The following CERS1 variants were observed in gnomAD, a reference collection of about 807,000 sequenced individuals.
CERS1 encodes the protein ceramide synthase 1.
CERS1 carries 16 observed loss-of-function variants against 35.7 expected under a neutral mutation model. The ratio of observed to expected loss-of-function variants is 0.45; its 90% CI spans 0.30 to 0.68. The LOEUF (loss-of-function observed/expected upper bound fraction) is 0.68. Among genes scored for constraint, CERS1 ranks in the 30% least tolerant of loss-of-function variants. The pLI, the probability that CERS1 is intolerant of heterozygous loss-of-function variation, is 0.08. For missense variants in CERS1, 454 were observed against 453.9 expected, an observed-to-expected ratio of 1.00 and a Z score of 0.00; for synonymous variants, 243 against 201.6, an observed-to-expected ratio of 1.21 and a Z score of -1.74.
chr19:18,895,775 G>T lies in CERS1; in HGVS notation c.249+49C>A. 9.3e-7 allele frequency: 1 copy of T among 1,074,368 alleles called. No homozygotes were observed. Among genetic ancestry groups the T allele is most frequent in the Non-Finnish European group, 1.2e-6 (1 of 857,036 alleles). The allele number at this position is 1,074,368 out of a possible 1,614,324, so 66.6% of individuals were successfully genotyped here. Reference sequence around the variant, plus strand: ...CGGCGGCCCCAGGTCCCCGGTCCCGGCTTCCCCCAGTCCGGGGTCCCCTCG... The same window carrying T: ...CGGCGGCCCCAGGTCCCCGGTCCCGTCTTCCCCCAGTCCGGGGTCCCCTCG... On this transcript the variant is annotated intron_variant, in intron 1 of 7. Transcript: ENST00000623882. The surrounding 1 kb of genome is among the most constrained non-coding windows in gnomAD (Gnocchi z 6.4).
At position 18,870,566 on chromosome 19, in the gene CERS1, G is replaced by A; in HGVS notation, c.*11C>T. 1.7e-6 allele frequency: 1 copy of A among 582,914 alleles called. No individual in the cohort carries two copies. The highest frequency in any genetic ancestry group is 3.1e-6 in the Non-Finnish European group (1 of 321,964). 36.1% of individuals were successfully genotyped at this position (582,914 alleles called of 1,614,324 possible). The stretch of plus-strand genomic sequence containing the variant: ...GGTGGGGCCGGGTCCACGGGGGCGG[G>A]GCCGAGGGGTTCAGAAGCGCTTGTC... On this transcript the variant is annotated 3_prime_UTR_variant, in exon 7 of 8. Coordinates refer to ENST00000623882, the MANE Select transcript of CERS1 (RefSeq NM_021267.5). This position sits in a 1 kb window ranked among gnomAD's most constrained non-coding sequence, Gnocchi z 5.1.
chr19:18,868,777 C>T lies in CERS1; in HGVS notation c.*1208G>A. On this transcript the variant is annotated 3_prime_UTR_variant, in exon 8 of 8. Transcript: ENST00000623882. ...CGCGCAGCACAGCGTGGTTGAGCGC[C>T]GGCGGCCCCCCGGACCCCGACAGCG... The T allele has an allele frequency of 6.8e-7, 1 of 1,468,258 alleles. No homozygotes were observed. The highest frequency in any genetic ancestry group is 1.2e-5 in the South Asian group (1 of 80,188). The allele number at this position is 1,468,258 out of a possible 1,614,324, so 91.0% of individuals were successfully genotyped here. A position where few individuals can be genotyped will look rare whatever the true frequency, so the allele number is the denominator to read the frequency against.
At chr19:18,876,526 T>TTTGA (rs925585273) in intron 6 of CERS1, among the ~76,000 whole-genome samples, 1 of 123,978 alleles carries the variant, frequency 8.1e-6, no homozygotes. Flanking sequence ...TTTGTTTTGT[T>TTTGA]TTGATTGGGT....
chr19:18,869,266 AC>A lies in CERS1; in HGVS notation c.*718del. ...GGGCTGCCGCCGCCGCCGCCGCGAA[AC>A]GCAGCTCCAGGCGGGCCCGGCTCGG... On this transcript the variant is annotated 3_prime_UTR_variant, in exon 8 of 8. Coordinates refer to ENST00000623882, the MANE Select transcript of CERS1 (RefSeq NM_021267.5). 1 of 1,472,042 alleles carries A rather than the reference AC, an allele frequency of 6.8e-7. No homozygotes were observed. Among genetic ancestry groups the A allele is most frequent in the Non-Finnish European group, 8.9e-7 (1 of 1,122,012 alleles). The allele number at this position is 1,472,042 out of a possible 1,614,324, so 91.2% of individuals were successfully genotyped here.
chr19:18,880,957 C>T (rs1475289237), intron 3 of CERS1, among the ~76,000 whole-genome samples: 1 of 152,176 alleles, frequency 6.6e-6, no homozygotes, highest in African/African-American at 2.4e-5. Context: ...CCTTGGCCTC[C>T]CAAAGTGCTG....
chr19:18,879,122 G>A, intron 5 of CERS1, 83 bp from the exon 6 acceptor site: 1 of 1,586,246 alleles, frequency 6.3e-7, no homozygotes. Context: ...CCTGTCCCGG[G>A]CCCTCCACAC....
At chr19:18,877,610 A>G (rs2056082242) in intron 6 of CERS1, among the ~76,000 whole-genome samples, 1 of 152,008 alleles carries the variant, frequency 6.6e-6, no homozygotes, top group African/African-American at 2.4e-5. Flanking sequence ...AAGTTAGCAC[A>G]GCATGGTGGT....
In CERS1 at chr19:18,895,116, C is replaced by T. The variant is rs879800263; in HGVS notation, c.249+708G>A. Reference sequence around the variant, plus strand: ...GCAGCACAGTCCAACCCTGAAGCCCCGGGCCATGTCACCTCCAAGGGAGCG... The same window carrying T: ...GCAGCACAGTCCAACCCTGAAGCCCTGGGCCATGTCACCTCCAAGGGAGCG... On this transcript the variant is annotated intron_variant, in intron 1 of 7. Coordinates refer to ENST00000623882, the MANE Select transcript of CERS1 (RefSeq NM_021267.5). The surrounding 1 kb of genome is among the most constrained non-coding windows in gnomAD (Gnocchi z 6.4). Among the ~76,000 whole-genome samples, 4 of 152,240 alleles carry T rather than the reference C, an allele frequency of 2.6e-5. No homozygotes were observed. Among genetic ancestry groups the T allele is most frequent in the Non-Finnish European group, 4.4e-5 (3 of 68,034 alleles).
At chr19:18,876,536 T>TTGTGTG (rs60266196) in intron 6 of CERS1, among the ~76,000 whole-genome samples, 5,383 of 143,210 alleles carry the variant, frequency 0.038, 226 homozygotes, top group African/African-American at 0.095. Flanking sequence ...TTTGATTGGG[T>TTGTGTG]TGTGTGTGTG....
intron 2 of CERS1, among the ~76,000 whole-genome samples, chr19:18,885,785 C>T (rs1203380295): frequency 1.3e-5 from 2 of 152,022 alleles, no homozygotes; most frequent in African/African-American, 2.4e-5. Context: ...TCCCAAAGTG[C>T]TGGGATTACG....
Position 18,895,822 on chromosome 19 carries a change from A to G in CERS1, c.249+2T>C. ...CTCGTCCCGGCCCCCGGCCACACTG[A>G]CCCGAAAGAGGCGCGCAGTGGCCGC... On this transcript the variant is annotated splice_donor_variant, in intron 1 of 7. Coordinates refer to ENST00000623882, the MANE Select transcript of CERS1 (RefSeq NM_021267.5). LOFTEE classifies it high-confidence loss of function. This position sits in a 1 kb window ranked among gnomAD's most constrained non-coding sequence, Gnocchi z 6.4. 7.9e-7 allele frequency: 1 copy of G among 1,267,372 alleles called. No individual in the cohort carries two copies. Among genetic ancestry groups the G allele is most frequent in the African/African-American group, 1.6e-5 (1 of 61,608 alleles). 78.5% of individuals were successfully genotyped at this position (1,267,372 alleles called of 1,614,324 possible).
intron 6 of CERS1, among the ~76,000 whole-genome samples, chr19:18,874,300 C>T (rs2056024537): frequency 6.6e-6 from 1 of 152,150 alleles, no homozygotes; most frequent in Non-Finnish European, 1.5e-5. Flanking sequence ...CTGAAGTTCA[C>T]AGTTTTCTAT....
At chr19:18,877,925 A>T in intron 6 of CERS1, 3 of 969,434 alleles carry the variant, frequency 3.1e-6, no homozygotes, top group Non-Finnish European at 3.7e-6. Flanking sequence ...GTCGTCTTTG[A>T]TTCTTTTATT....
intron 6 of CERS1, among the ~76,000 whole-genome samples, chr19:18,872,954 T>C (rs2056001472): frequency 6.6e-6 from 1 of 152,182 alleles, no homozygotes; most frequent in African/African-American, 2.4e-5. Flanking sequence ...CGGGCCGAGA[T>C]GGCCTTACTC....
intron 4 of CERS1, 62 bp downstream of exon 4, chr19:18,880,212 C>A: frequency 6.8e-7 from 1 of 1,461,182 alleles, no homozygotes; most frequent in Non-Finnish European, 9.1e-7. Context: ...CGCCCCTTTT[C>A]TGGACACACC....
At position 18,868,590 on chromosome 19, in the gene CERS1, C is replaced by T. The variant is rs1399290945; in HGVS notation, c.*1395G>A. On this transcript the variant is annotated 3_prime_UTR_variant, in exon 8 of 8. Coordinates refer to ENST00000623882, the MANE Select transcript of CERS1 (RefSeq NM_021267.5). ...ATTGTTGGGCCCGCGTCCCTGCCCG[C>T]CCCGGGTTAGCGGCAGCCGCACTCG... 1.0e-5 allele frequency: 16 copies of T among 1,550,518 alleles called. No individual in the cohort carries two copies. Among genetic ancestry groups the T allele is most frequent in the Non-Finnish European group, 1.4e-5 (16 of 1,145,498 alleles).
At chr19:18,890,446 C>G (rs1008648646) in intron 2 of CERS1, among the ~76,000 whole-genome samples, 1 of 152,198 alleles carries the variant, frequency 6.6e-6, no homozygotes, top group Non-Finnish European at 1.5e-5. Flanking sequence ...AATAAATAGA[C>G]ATGGAAATAA....
Position 18,868,844 on chromosome 19 carries a change from A to G in CERS1, c.*1141T>C, listed in dbSNP as rs2055903744. The stretch of plus-strand genomic sequence containing the variant: ...CTGACCCTGGCAGTAGTTGGCCAGG[A>G]AGCCGCGCGGCGCGATGACCCAGCG... On this transcript the variant is annotated 3_prime_UTR_variant, in exon 8 of 8. Coordinates refer to ENST00000623882, the MANE Select transcript of CERS1 (RefSeq NM_021267.5). The G allele has an allele frequency of 6.9e-7, 1 of 1,450,758 alleles. No individual in the cohort carries two copies. The highest frequency in any genetic ancestry group is 9.1e-7 in the Non-Finnish European group (1 of 1,093,328). The allele number at this position is 1,450,758 out of a possible 1,614,324, so 89.9% of individuals were successfully genotyped here. A position where few individuals can be genotyped will look rare whatever the true frequency, so the allele number is the denominator to read the frequency against.
chr19:18,881,912 C>G (rs546004877), intron 3 of CERS1: 3 of 152,228 alleles, frequency 2.0e-5, no homozygotes, highest in Non-Finnish European at 4.4e-5. Context: ...CGGGTTCAAG[C>G]GATTCTCCCA....
Sources: gnomAD v4.1 joint callset for allele counts (sites outside exome capture counted in the v4.1 genomes callset) on GRCh38, gnomAD v4.1.1 for gene constraint, Gnocchi (gnomAD v3.1) non-coding constraint, MANE v1.5 for transcripts, NCBI Gene and HGNC (gene_info 2026-07-23, HGNC 2026-07-21) for gene names.